Variants in RBFOX1 observed in about 807,000 individuals in gnomAD.
RBFOX1 encodes RNA binding fox-1 homolog 1.
A neutral mutation model predicts 57.7 loss-of-function variants in RBFOX1; 8 were observed. The observed-to-expected ratio is 0.14, with a 90% CI of 0.08 to 0.25. RBFOX1 has a LOEUF of 0.25. Among genes scored for constraint, RBFOX1 ranks in the 10% least tolerant of loss-of-function variants. The probability of loss-of-function intolerance (pLI) is 1.00; values close to 1 mark genes in which losing one functional copy is unlikely to be tolerated. For missense variants in RBFOX1, 611 were observed against 548.5 expected (o/e 1.11, Z -1.14); for synonymous variants, 326 against 222.4 (o/e 1.47, Z -4.15).
chr16:6,426,516 A>G (rs572052319), intron 2 of RBFOX1, among the ~76,000 whole-genome samples: 1 of 152,252 alleles, frequency 6.6e-6, no homozygotes, highest in South Asian at 2.1e-4. Flanking sequence ...CTGTCGTCCC[A>G]GCTACCTGGG....
chr16:5,718,922 G>A (rs546251394), intron 3 of RBFOX1, among the ~76,000 whole-genome samples: 1 of 151,030 alleles, frequency 6.6e-6, no homozygotes, highest in Non-Finnish European at 1.5e-5. Flanking sequence ...ATGAATGAAT[G>A]AATGAATGAA....
intron 4 of RBFOX1, among the ~76,000 whole-genome samples, chr16:7,324,065 G>C (rs544409324): frequency 1.3e-5 from 2 of 152,022 alleles, no homozygotes; most frequent in Non-Finnish European, 1.5e-5. Flanking sequence ...GACTTCTCAG[G>C]TGCTTTTATA....
At chr16:7,501,982 A>G (rs1397352528) in intron 4 of RBFOX1, among the ~76,000 whole-genome samples, 2 of 152,188 alleles carry the variant, frequency 1.3e-5, no homozygotes, top group African/African-American at 2.4e-5. Context: ...TCCTGAAACA[A>G]TTGCGTGAGT....
intron 2 of RBFOX1, among the ~76,000 whole-genome samples, chr16:5,533,618 ATAT>A (rs2044575465): frequency 1.3e-5 from 2 of 152,250 alleles, no homozygotes; most frequent in East Asian, 1.9e-4. Context: ...CATGGATGAG[ATAT>A]TATCACTCCT....
chr16:5,482,235 C>G (rs143312216), intron 2 of RBFOX1, among the ~76,000 whole-genome samples: 24 of 152,298 alleles, frequency 1.6e-4, no homozygotes, highest in African/African-American at 4.1e-4. Context: ...TCGGGCAGCT[C>G]AAGCCTTCTT....
At chr16:6,532,442 C>A (rs2096671719) in intron 2 of RBFOX1, among the ~76,000 whole-genome samples, 1 of 152,172 alleles carries the variant, frequency 6.6e-6, no homozygotes, top group Admixed American at 6.5e-5. Flanking sequence ...TTCCTCATTT[C>A]TTGAATGTAT....
intron 4 of RBFOX1, among the ~76,000 whole-genome samples, chr16:7,268,316 G>T (rs996643472): frequency 3.3e-5 from 5 of 152,168 alleles, no homozygotes; most frequent in Non-Finnish European, 7.4e-5. Context: ...ACAGTAGGGG[G>T]CAAAAGTGGA....
intron 1 of RBFOX1, among the ~76,000 whole-genome samples, chr16:6,021,815 C>G (rs1211780028): frequency 6.6e-6 from 1 of 152,186 alleles, no homozygotes; most frequent in Non-Finnish European, 1.5e-5. Flanking sequence ...ATCAGAGTTT[C>G]AGTCGTAGTT....
chr16:7,152,707 T>C (rs1487637349), intron 4 of RBFOX1, among the ~76,000 whole-genome samples: 4 of 152,158 alleles, frequency 2.6e-5, no homozygotes, highest in Non-Finnish European at 5.9e-5. Context: ...GCAAAATAAG[T>C]TGTGTCCTGG....
Position 7,518,223 on chromosome 16 carries a change from A to C in RBFOX1, c.104A>C (p.Asn35Thr). ...YASAQFAPPQ[N>T]GIPAEYTAPH... ...TCGGCCCAGTTTGCTCCCCCGCAGAACGGTATCCCCGCGGAATACACGGCC... is the reference window on the plus strand; with the variant it reads ...TCGGCCCAGTTTGCTCCCCCGCAGACCGGTATCCCCGCGGAATACACGGCC... Residue 35 changes from asparagine to threonine, a missense_variant, in exon 5 of 16, where the codon AAC becomes ACC. Asn to Thr is a moderately conservative substitution (Grantham distance 65, BLOSUM62 0). Around this residue, in one of 3 missense-constraint regions of RBFOX1, gnomAD observed 245 missense variants for 159.1 expected, o/e 1.54. Transcript: ENST00000550418. 6.2e-7 allele frequency: 1 copy of C among 1,614,038 alleles called. No individual in the cohort carries two copies. The highest frequency in any genetic ancestry group is 1.7e-5 in the Admixed American group (1 of 60,012).
intron 2 of RBFOX1, among the ~76,000 whole-genome samples, chr16:6,374,285 G>A (rs2090882473): frequency 6.6e-6 from 1 of 152,120 alleles, no homozygotes; most frequent in African/African-American, 2.4e-5. Context: ...TTTTGCTTTG[G>A]AATAAGGGTT....
intron 3 of RBFOX1, among the ~76,000 whole-genome samples, chr16:5,660,846 A>G (rs1438835477): frequency 1.3e-5 from 2 of 152,180 alleles, no homozygotes; most frequent in African/African-American, 2.4e-5. Context: ...GTCATGGAGC[A>G]TAAAGGATTC....
Position 5,947,670 on chromosome 16 carries a change from C to A in RBFOX1, c.351+80335C>A, listed in dbSNP as rs898106194. Among the ~76,000 whole-genome samples, 1 of 152,140 alleles carries A rather than the reference C, an allele frequency of 6.6e-6. No individual in the cohort carries two copies. Among genetic ancestry groups the A allele is most frequent in the African/African-American group, 2.4e-5 (1 of 41,448 alleles). On this transcript the variant is annotated intron_variant, in intron 4 of 19. Coordinates refer to the RBFOX1 transcript ENST00000641259. This position sits in a 1 kb window ranked among gnomAD's most constrained non-coding sequence, Gnocchi z 7.2. ...TGGCATCCCTTACCATCTTCCTTCT[C>A]TATTGTAAATCTGCCCTTTTGAGAG...
intron 4 of RBFOX1, among the ~76,000 whole-genome samples, chr16:7,195,118 G>T (rs1349687508): frequency 2.6e-5 from 4 of 152,060 alleles, no homozygotes; most frequent in African/African-American, 4.8e-5. Context: ...ACACCCTTAA[G>T]TCTGTCAACT....
chr16:7,423,716 C>G (rs2098571848), intron 4 of RBFOX1, among the ~76,000 whole-genome samples: 1 of 152,094 alleles, frequency 6.6e-6, no homozygotes, highest in African/African-American at 2.4e-5. Flanking sequence ...GGAGGCTGGG[C>G]CACTTTCTTT....
At chr16:6,387,346 CTGT>C (rs2092348129) in intron 2 of RBFOX1, among the ~76,000 whole-genome samples, 4 of 152,004 alleles carry the variant, frequency 2.6e-5, no homozygotes, top group South Asian at 4.1e-4. Flanking sequence ...TCAGCGCCTG[CTGT>C]TGTTCTCATT....
rs1460222907 is a variant in RBFOX1, at chr16:5,239,929, C to T, written c.43C>T (p.Arg15Ter). The change falls in exon 1 of 3, where the codon CGA becomes TGA. Residue 15 changes from arginine to a stop codon, truncating the protein, a stop_gained. Transcript: ENST00000585867. LOFTEE classifies it high-confidence loss of function. Reference sequence around the variant, plus strand: ...CAGCTCCGAAGCCACTGGCAAGCCCCGAGGCAGGGATGGCCGGCCCAGGAG... The same window carrying T: ...CAGCTCCGAAGCCACTGGCAAGCCCTGAGGCAGGGATGGCCGGCCCAGGAG... The T allele has an allele frequency of 2.6e-6, 4 of 1,520,632 alleles. No homozygotes were observed. The Admixed American group carries it at 7.9e-5, about 30-fold the overall frequency. The allele number at this position is 1,520,632 out of a possible 1,614,324, so 94.2% of individuals were successfully genotyped here.
intron 1 of RBFOX1, among the ~76,000 whole-genome samples, chr16:5,274,966 A>T (rs190480013): frequency 6.6e-6 from 1 of 152,306 alleles, no homozygotes; most frequent in Admixed American, 6.5e-5. Flanking sequence ...TCATGTACTA[A>T]GACCGGAGAT....
intron 4 of RBFOX1, among the ~76,000 whole-genome samples, chr16:7,246,480 G>A (rs1922580): frequency 0.3 from 46,316 of 151,922 alleles, 7,668 homozygotes; most frequent in Middle Eastern, 0.49. Flanking sequence ...TTGCTTTCAG[G>A]CTCTGCATTA....
Sources: gnomAD v4.1 joint callset for allele counts (sites outside exome capture counted in the v4.1 genomes callset) on GRCh38, gnomAD v4.1.1 for gene constraint, gnomAD v4.1.1 regional missense constraint, Gnocchi (gnomAD v3.1) non-coding constraint, MANE v1.5 for transcripts, NCBI Gene and HGNC (gene_info 2026-07-23, HGNC 2026-07-21) for gene names.